Variants in LRRC3B observed in about 807,000 individuals in gnomAD.
The protein encoded by LRRC3B is leucine rich repeat containing 3B.
Under a neutral mutation model 12.8 loss-of-function variants are expected in LRRC3B, and 2 were observed. That is an observed-to-expected ratio of 0.16 (90% CI 0.06 to 0.49). The LOEUF is 0.49. Ranked by LOEUF, LRRC3B falls within the 20% of genes least tolerant of loss-of-function variation. The pLI, the probability that LRRC3B is intolerant of heterozygous loss-of-function variation, is 0.96. For missense variants in LRRC3B, 189 were observed against 319.4 expected (o/e 0.59, Z 3.11); for synonymous variants, 132 against 122.0 (o/e 1.08, Z -0.54).
chr3:26,701,310 G>A (rs973040831), intron 1 of LRRC3B: 1 of 152,012 alleles, frequency 6.6e-6, no homozygotes, highest in Admixed American at 6.6e-5. Context: ...AGCATAACTG[G>A]GTGGCAGCTG....
rs578158167 is a variant in LRRC3B, at chr3:26,670,816, G to T, written c.-160-38697G>T. Among the ~76,000 whole-genome samples the T allele has an allele frequency of 2.6e-5, 4 of 152,174 alleles. No homozygotes were observed. In the East Asian group the frequency reaches 7.8e-4, roughly 30 times the overall value. ...TGGAAAGCAATAATCTACATGAAAA[G>T]TTCAATCTGGTATTGGGGACATAAT... On this transcript the variant is annotated intron_variant, in intron 1 of 1. Transcript: ENST00000396641.
chr3:26,699,632 A>G (rs950003199), intron 1 of LRRC3B, among the ~76,000 whole-genome samples: 1 of 152,162 alleles, frequency 6.6e-6, no homozygotes, highest in Non-Finnish European at 1.5e-5. Flanking sequence ...AGTACAACTG[A>G]ATTCACCATA....
chr3:26,700,407 A>T (rs895771232), intron 1 of LRRC3B, among the ~76,000 whole-genome samples: 28 of 152,206 alleles, frequency 1.8e-4, no homozygotes, highest in African/African-American at 6.3e-4. Context: ...GTTCTGGGGG[A>T]TATCTGAGAT....
intron 1 of LRRC3B, among the ~76,000 whole-genome samples, chr3:26,642,270 C>A (rs996392153): frequency 1.3e-5 from 2 of 152,168 alleles, no homozygotes; most frequent in Non-Finnish European, 2.9e-5. Flanking sequence ...CTTCAGGAAT[C>A]CCCTGCAAGG....
chr3:26,655,133 A>G (rs1575131622), intron 1 of LRRC3B, among the ~76,000 whole-genome samples: 1 of 152,182 alleles, frequency 6.6e-6, no homozygotes, highest in African/African-American at 2.4e-5. Context: ...ACTTTTCATA[A>G]GTTGAAGTTT....
chr3:26,654,583 A>C (rs1184662017), intron 1 of LRRC3B, among the ~76,000 whole-genome samples: 1 of 152,216 alleles, frequency 6.6e-6, no homozygotes, highest in East Asian at 1.9e-4. Context: ...AGTAAGGAGG[A>C]TGTTCTAGGC....
chr3:26,693,126 C>G (rs910498084), intron 1 of LRRC3B, among the ~76,000 whole-genome samples: 4 of 151,714 alleles, frequency 2.6e-5, no homozygotes, highest in Non-Finnish European at 5.9e-5. Context: ...GTCAGGAGAT[C>G]GAGACCATCC....
At chr3:26,646,872 G>C (rs1699162556) in intron 1 of LRRC3B, among the ~76,000 whole-genome samples, 1 of 152,108 alleles carries the variant, frequency 6.6e-6, no homozygotes, top group Non-Finnish European at 1.5e-5. Flanking sequence ...TTGAGTCCCA[G>C]TCCCACCACT....
At chr3:26,702,354 A>G (rs991688490) in intron 1 of LRRC3B, among the ~76,000 whole-genome samples, 3 of 152,128 alleles carry the variant, frequency 2.0e-5, no homozygotes, top group African/African-American at 7.2e-5. Flanking sequence ...GTCAGTTCAT[A>G]TCCTTGACTA....
intron 1 of LRRC3B, among the ~76,000 whole-genome samples, chr3:26,706,530 AACAAGCATTACATCCAGTTC>A (rs1182548217): frequency 4.5e-4 from 69 of 152,328 alleles, no homozygotes; most frequent in African/African-American, 1.5e-3. Context: ...TTGTACTCCT[AACAAGCATTACATCCAGTTC>A]ACAAGCATTA....
intron 1 of LRRC3B, among the ~76,000 whole-genome samples, chr3:26,690,460 G>A (rs3912762): frequency 6.6e-6 from 1 of 152,164 alleles, no homozygotes; most frequent in Non-Finnish European, 1.5e-5. Flanking sequence ...TGAGCAAGGA[G>A]ACAGGGGAAG....
chr3:26,664,282 G>A lies in LRRC3B; in HGVS notation c.-161+41045G>A, dbSNP rs544965422. On this transcript the variant is annotated intron_variant, in intron 1 of 1. Coordinates refer to ENST00000396641, the Ensembl canonical transcript of LRRC3B. ...GAGCTTGGCCCATTGCTTCTTCCAG[G>A]AGTTTTGGGTAACATTTTTTCCTAC... Among the ~76,000 whole-genome samples the A allele has an allele frequency of 4.6e-5, 7 of 152,118 alleles. No homozygotes were observed. In the South Asian group the frequency reaches 1.5e-3, roughly 32 times the overall value.
chr3:26,706,074 G>T (rs966389573), intron 1 of LRRC3B, among the ~76,000 whole-genome samples: 2 of 152,154 alleles, frequency 1.3e-5, no homozygotes, highest in African/African-American at 2.4e-5. Context: ...AGAAGATTTG[G>T]TTTCTGGTGA....
Position 26,649,572 on chromosome 3 carries a change from T to G in LRRC3B, c.-161+26335T>G, listed in dbSNP as rs532003596. ...TGCCCAATATCCTGCATTTTCATCA[T>G]ATTTGAAGGTACAATACCTCAACTT... On this transcript the variant is annotated intron_variant, in intron 1 of 1. Transcript: ENST00000396641. 2.0e-5 allele frequency among the ~76,000 whole-genome samples: 3 copies of G among 152,294 alleles called. No individual in the cohort carries two copies. The East Asian group carries it at 5.8e-4, about 29-fold the overall frequency.
At chr3:26,687,214 G>T (rs1700105984) in intron 1 of LRRC3B, among the ~76,000 whole-genome samples, 1 of 152,206 alleles carries the variant, frequency 6.6e-6, no homozygotes, top group Non-Finnish European at 1.5e-5. Flanking sequence ...GTTGGAAACA[G>T]TGGTTTTAAA....
chr3:26,630,614 A>G (rs1243605668), intron 1 of LRRC3B, among the ~76,000 whole-genome samples: 1 of 152,204 alleles, frequency 6.6e-6, no homozygotes, highest in African/African-American at 2.4e-5. Context: ...TTGGTGACAT[A>G]ATCACTAGTA....
At chr3:26,688,834 T>C (rs1700136713) in intron 1 of LRRC3B, among the ~76,000 whole-genome samples, 1 of 152,202 alleles carries the variant, frequency 6.6e-6, no homozygotes, top group African/African-American at 2.4e-5. Context: ...CCATAATCCC[T>C]GGCTAGAGTA....
chr3:26,636,889 T>C (rs188881271), intron 1 of LRRC3B, among the ~76,000 whole-genome samples: 3,616 of 68,520 alleles, frequency 0.053, 277 homozygotes, highest in East Asian at 0.15. Context: ...TTCCTTCCTT[T>C]CTCTCTCTCT....
intron 1 of LRRC3B, among the ~76,000 whole-genome samples, chr3:26,653,728 C>T (rs1473912044): frequency 6.6e-6 from 1 of 152,154 alleles, no homozygotes; most frequent in East Asian, 1.9e-4. Flanking sequence ...GTCAGATTTT[C>T]ACCATGAATT....
Sources: gnomAD v4.1 joint callset for allele counts (sites outside exome capture counted in the v4.1 genomes callset) on GRCh38, gnomAD v4.1.1 for gene constraint, MANE v1.5 for transcripts, NCBI Gene and HGNC (gene_info 2026-07-23, HGNC 2026-07-21) for gene names.